CCDC17: variants seen among roughly 807,000 people sequenced by gnomAD.
The protein encoded by CCDC17 is coiled-coil domain containing 17.
A neutral mutation model predicts 68.0 loss-of-function variants in CCDC17; 79 were observed. The observed-to-expected ratio is 1.16, with a 90% CI of 0.97 to 1.40. The LOEUF is 1.40. CCDC17 is among the 40% of genes most tolerant of loss of function. The probability of loss-of-function intolerance (pLI) is 0.00; values close to 1 mark genes in which losing one functional copy is unlikely to be tolerated. For missense variants in CCDC17, 846 were observed against 811.5 expected (o/e 1.04, Z -0.52); for synonymous variants, 376 against 337.5 (o/e 1.11, Z -1.25).
At position 45,622,238 on chromosome 1, in the gene CCDC17, G is replaced by A; in HGVS notation, c.967+3C>T. On this transcript the variant is annotated splice_donor_region_variant and intron_variant, in intron 7 of 12. Transcript: ENST00000528266. ...ATGGGATAGGGTTGGGGTGCTCACT[G>A]ACCCAAGGGTGCCCGACCCCTCTGC... 1.9e-6 allele frequency: 3 copies of A among 1,611,608 alleles called. No homozygotes were observed. Among genetic ancestry groups the A allele is most frequent in the Non-Finnish European group, 2.5e-6 (3 of 1,178,746 alleles).
In CCDC17 at chr1:45,623,918, AC is replaced by A. The variant is rs1298393358; in HGVS notation, c.-10del. 66 of 1,492,328 alleles carry A rather than the reference AC, an allele frequency of 4.4e-5. No homozygotes were observed. The Admixed American group carries it at 1.5e-3, about 35-fold the overall frequency. 92.4% of individuals were successfully genotyped at this position (1,492,328 alleles called of 1,614,324 possible). On this transcript the variant is annotated 5_prime_UTR_variant, in exon 1 of 13. Coordinates refer to ENST00000528266, the MANE Select transcript of CCDC17 (RefSeq NM_001114938.3). The stretch of plus-strand genomic sequence containing the variant: ...CCAGAGTGGGAGTCCATGGGATGGG[AC>A]CCGTTTCCTGAAACCAGCCAAGACC...
chr1:45,620,512 T>A, intron 12 of CCDC17, 79 bp from the exon 13 acceptor site: 2 of 1,470,172 alleles, frequency 1.4e-6, no homozygotes, highest in South Asian at 2.8e-5. Context: ...TTAGGCTTCC[T>A]TAGAGTCTCA....
chr1:45,621,841 T>C, intron 8 of CCDC17, 36 bp downstream of exon 8: 1 of 1,593,486 alleles, frequency 6.3e-7, no homozygotes, highest in South Asian at 1.1e-5. Context: ...ACCCACCCCG[T>C]GTCCTCACAG....
chr1:45,623,453 C>T lies in CCDC17; in HGVS notation c.271-14G>A. 3.2e-6 allele frequency: 5 copies of T among 1,549,862 alleles called. No individual in the cohort carries two copies. The highest frequency in any genetic ancestry group is 4.4e-6 in the Non-Finnish European group (5 of 1,146,468). ...CAGCCACTGCACCTGGAGGTAACAG[C>T]GATCCGCGATCTCTGCGTGGGCAGA... On this transcript the variant is annotated splice_polypyrimidine_tract_variant and intron_variant, in intron 2 of 12. Transcript: ENST00000528266.
In CCDC17 at chr1:45,622,471, C is replaced by G. The variant is rs537608555; in HGVS notation, c.859+78G>C. On this transcript the variant is annotated intron_variant, in intron 6 of 12. Coordinates refer to ENST00000528266, the MANE Select transcript of CCDC17 (RefSeq NM_001114938.3). Reference sequence around the variant, plus strand: ...CTGGACTTGTCAGCTCACATGCCATCCACAGCCACAGGCCCTCCCTCGAGT... The same window carrying G: ...CTGGACTTGTCAGCTCACATGCCATGCACAGCCACAGGCCCTCCCTCGAGT... 77 of 1,479,606 alleles carry G rather than the reference C, an allele frequency of 5.2e-5. 1 individual carries two copies. In the African/African-American group the frequency reaches 9.8e-4, roughly 19 times the overall value. The allele number at this position is 1,479,606 out of a possible 1,614,324, so 91.7% of individuals were successfully genotyped here. A position where few individuals can be genotyped will look rare whatever the true frequency, so the allele number is the denominator to read the frequency against.
Position 45,620,154 on chromosome 1 carries a change from G to A in CCDC17, c.*121C>T, listed in dbSNP as rs954174464. The A allele has an allele frequency of 1.7e-6, 2 of 1,149,648 alleles. No homozygotes were observed. Among genetic ancestry groups the A allele is most frequent in the Non-Finnish European group, 2.4e-6 (2 of 836,402 alleles). The allele number at this position is 1,149,648 out of a possible 1,614,324, so 71.2% of individuals were successfully genotyped here. On this transcript the variant is annotated 3_prime_UTR_variant, in exon 13 of 13. Transcript: ENST00000528266. ...AAGCTGTGGTTGGAACTGGTTTTCT[G>A]TACTCAACTGCTAGATGCTTCTAGA... is the stretch of plus-strand genomic sequence containing the variant.
chr1:45,620,589 T>C (rs1238109389), intron 12 of CCDC17, 134 bp downstream of exon 12: 2 of 1,496,490 alleles, frequency 1.3e-6, no homozygotes, highest in South Asian at 1.3e-5. Flanking sequence ...TAGGACTTCA[T>C]AGAGATGTGA....
intron 8 of CCDC17, 55 bp from the exon 9 acceptor site, chr1:45,621,790 C>G: frequency 6.2e-7 from 1 of 1,605,050 alleles, no homozygotes. Context: ...TCATGTTCCC[C>G]CAACTGCTCA....
intron 7 of CCDC17, 67 bp downstream of exon 7, chr1:45,622,174 G>A: frequency 6.9e-7 from 1 of 1,454,778 alleles, no homozygotes; most frequent in South Asian, 1.2e-5. Flanking sequence ...CCCATGCACT[G>A]TCTGCCTGAG....
chr1:45,623,049 G>T lies in CCDC17; in HGVS notation c.562C>A (p.Gln188Lys), dbSNP rs1268288496. 6.2e-7 allele frequency: 1 copy of T among 1,611,222 alleles called. No homozygotes were observed. Among genetic ancestry groups the T allele is most frequent in the Non-Finnish European group, 8.5e-7 (1 of 1,178,832 alleles). ...GGMSRLFGLE[Q>K]EIRELQAEAG... is the part of the protein sequence containing the mutation. ...TCAGCTTGTAGTTCTCGAATCTCCT[G>T]CTCCAGGCCGAAGAGGCGGGACATC... The change falls in exon 4 of 13, where the codon CAG (glutamine) becomes AAG (lysine). Residue 188 changes from glutamine to lysine, a missense_variant. Physicochemically the swap from Gln to Lys is moderately conservative, Grantham distance 53. Coordinates refer to ENST00000528266, the MANE Select transcript of CCDC17 (RefSeq NM_001114938.3).
At position 45,621,340 on chromosome 1, in the gene CCDC17, A is replaced by G. The variant is rs1316255821; in HGVS notation, c.1329T>C (p.Pro443=). The G allele has an allele frequency of 1.9e-5, 30 of 1,589,698 alleles. No individual in the cohort carries two copies. The highest frequency in any genetic ancestry group is 2.6e-5 in the Non-Finnish European group (30 of 1,168,094). The change falls in exon 10 of 13, where the codon CCT becomes CCC. Residue 443 remains proline (P), a synonymous_variant. Coordinates refer to ENST00000528266, the MANE Select transcript of CCDC17 (RefSeq NM_001114938.3). ...ALPPALCLPP[P]PAPGPMGNCA... is the part of the protein sequence containing the mutation. ...AGTTGCCCATGGGCCCGGGAGCAGG[A>G]GGTGGGGGCAGGCAAAGGGCTGGGG...
intron 12 of CCDC17, 64 bp from the exon 13 acceptor site, chr1:45,620,497 G>T (rs1644209274): frequency 1.4e-6 from 2 of 1,474,606 alleles, no homozygotes; most frequent in Non-Finnish European, 1.8e-6. Context: ...AGGTTTTGGA[G>T]TTAGTTAGGC....
Position 45,621,342 on chromosome 1 carries a change from G to T in CCDC17, c.1327C>A (p.Pro443Thr). Residue 443 changes from proline (P) to threonine (T), a missense_variant, in exon 10 of 13, where the codon CCT (proline) becomes ACT (threonine). Physicochemically the swap from Pro to Thr is conservative, Grantham distance 38 (BLOSUM62 -1). Coordinates refer to ENST00000528266, the MANE Select transcript of CCDC17 (RefSeq NM_001114938.3). ...TTGCCCATGGGCCCGGGAGCAGGAG[G>T]TGGGGGCAGGCAAAGGGCTGGGGGC... ...ALPPALCLPP[P>T]PAPGPMGNCA... The T allele has an allele frequency of 1.9e-6, 3 of 1,590,360 alleles. No homozygotes were observed. Among genetic ancestry groups the T allele is most frequent in the Non-Finnish European group, 2.6e-6 (3 of 1,168,406 alleles).
rs780474625 is a variant in CCDC17 at position 45,621,886 on chromosome 1, G to C, written c.1077C>G (p.Gly359=). The change falls in exon 8 of 13, where the codon GGC becomes GGG. Residue 359 remains glycine (G), a synonymous_variant. Transcript: ENST00000528266. ...PVAPPLPPLP[G]FSEPQLPGTM... is the part of the protein sequence containing the mutation. ...CACCCAAGAACTGAACCTCCGAGAA[G>C]CCTGGAAGTGGTGGCAGCGGTGGTG... 1.2e-6 allele frequency: 2 copies of C among 1,603,730 alleles called. No individual in the cohort carries two copies. The highest frequency in any genetic ancestry group is 3.4e-5 in the Admixed American group (2 of 58,078).
chr1:45,621,077 C>T lies in CCDC17; in HGVS notation c.1425G>A (p.Glu475=), dbSNP rs747062714. ...ATGCTAGCCCCTGCCAGACCTGCAGCTCACAGACCAAAGATACTGATGATG... is the reference window on the plus strand; with the variant it reads ...ATGCTAGCCCCTGCCAGACCTGCAGTTCACAGACCAAAGATACTGATGATG... ...PPSSSVSLVC[E]LQVWQGLAWA... Residue 475 remains glutamate, a synonymous_variant, in exon 11 of 13, where the codon GAG becomes GAA. Transcript: ENST00000528266. 9 of 1,613,898 alleles carry T rather than the reference C, an allele frequency of 5.6e-6. No individual in the cohort carries two copies. The highest frequency in any genetic ancestry group is 8.5e-7 in the Non-Finnish European group (1 of 1,179,896).
rs1644193003 is a variant in CCDC17 at position 45,620,084 on chromosome 1, A to AACAGAAGAGGT, written c.*180_*190dup. On this transcript the variant is annotated 3_prime_UTR_variant, in exon 13 of 13. Coordinates refer to ENST00000528266, the MANE Select transcript of CCDC17 (RefSeq NM_001114938.3). The stretch of plus-strand genomic sequence containing the variant: ...TTTAATCCTTAATCTGTTTTACAAA[A>AACAGAAGAGGT]ACAGAAGAGGTACAGAAAAGTTAAG... The AACAGAAGAGGT allele has an allele frequency of 3.7e-6, 2 of 542,900 alleles. No homozygotes were observed. Among genetic ancestry groups the AACAGAAGAGGT allele is most frequent in the Non-Finnish European group, 6.3e-6 (2 of 318,972 alleles). The allele number at this position is 542,900 out of a possible 1,614,324, so 33.6% of individuals were successfully genotyped here. A position where few individuals can be genotyped will look rare whatever the true frequency, so the allele number is the denominator to read the frequency against.
Position 45,623,239 on chromosome 1 carries a change from C to A in CCDC17, c.471G>T (p.Arg157=). 6.5e-7 allele frequency: 1 copy of A among 1,545,028 alleles called. No homozygotes were observed. Among genetic ancestry groups the A allele is most frequent in the East Asian group, 2.4e-5 (1 of 40,862 alleles). Residue 157 remains arginine, a synonymous_variant, in exon 3 of 13, where the codon CGG becomes CGT. Transcript: ENST00000528266. ...CACCCTCGCCGCGTAGCTGCAGGGC[C>A]CGGCTCTGCGCTTCCATCTCCGCCA... is the stretch of plus-strand genomic sequence containing the variant. The part of the protein sequence containing the change: ...RRVAEMEAQS[R]ALQLRGEELS...
chr1:45,622,861 G>GA lies in CCDC17; in HGVS notation c.657-28dup, dbSNP rs532979494. 1,272 of 1,581,308 alleles carry GA rather than the reference G, an allele frequency of 8.0e-4. 6 individuals carry two copies. Among genetic ancestry groups the GA allele is most frequent in the Middle Eastern group, 6.3e-3 (38 of 6,020 alleles). ...TGGGGTGGCAGGCGACGCGCAGGGA[G>GA]ACGGTAACGCATCAGAGGCCCCGGG... On this transcript the variant is annotated intron_variant, in intron 4 of 12. Transcript: ENST00000528266.
rs758668398 is a variant in CCDC17, at chr1:45,622,646, A to AAGGGG, written c.761_762insCCCCT (p.Arg255ProfsTer46). 3 of 1,555,938 alleles carry AAGGGG rather than the reference A, an allele frequency of 1.9e-6. No individual in the cohort carries two copies. The highest frequency in any genetic ancestry group is 2.6e-6 in the Non-Finnish European group (3 of 1,149,682). On this transcript the variant is annotated frameshift_variant, in exon 6 of 13. Coordinates refer to ENST00000528266, the MANE Select transcript of CCDC17 (RefSeq NM_001114938.3). LOFTEE classifies it high-confidence loss of function. The stretch of plus-strand genomic sequence containing the variant: ...CGCCGGGGTCCCGGCCCCCGTCTCG[A>AAGGGG]ATGTAGGCCTCCCGCAGCGCCCTAG...
Sources: gnomAD v4.1 joint callset for allele counts on GRCh38, gnomAD v4.1.1 for gene constraint, MANE v1.5 for transcripts, NCBI Gene and HGNC (gene_info 2026-07-23, HGNC 2026-07-21) for gene names.